The following CNTNAP2 variants were observed in gnomAD, a reference collection of about 807,000 sequenced individuals.
The protein encoded by CNTNAP2 is contactin associated protein 2.
A neutral mutation model predicts 155.2 loss-of-function variants in CNTNAP2; 98 were observed. The ratio of observed to expected loss-of-function variants is 0.63; its 90% CI spans 0.54 to 0.75. The LOEUF (loss-of-function observed/expected upper bound fraction) is 0.75, where lower values mean the gene tolerates loss of function less well. CNTNAP2 is among the 30% of genes least tolerant of loss of function. CNTNAP2 has a pLI of 0.00. For missense variants in CNTNAP2, 1,727 were observed against 1,688.1 expected (o/e 1.02, Z -0.40); for synonymous variants, 651 against 631.2 (o/e 1.03, Z -0.47).
chr7:146,815,346 C>A (rs553729215), intron 2 of CNTNAP2, among the ~76,000 whole-genome samples: 1 of 152,138 alleles, frequency 6.6e-6, no homozygotes, highest in South Asian at 2.1e-4. Flanking sequence ...TTACTTTAGA[C>A]TCTAAATAAC....
chr7:146,558,162 T>G (rs1035655760), intron 1 of CNTNAP2, among the ~76,000 whole-genome samples: 1 of 152,142 alleles, frequency 6.6e-6, no homozygotes, highest in Non-Finnish European at 1.5e-5. Flanking sequence ...CTCATAGGAC[T>G]TGTGGACATT....
At chr7:146,704,434 GCAATCTTAGAAACCATCATTAGA>G (rs1254702881) in intron 1 of CNTNAP2, among the ~76,000 whole-genome samples, 1 of 152,108 alleles carries the variant, frequency 6.6e-6, no homozygotes, top group Admixed American at 6.6e-5. Flanking sequence ...GCAGTTAGAG[GCAATCTTAGAAACCATCATTAGA>G]CAGATGAAGC....
chr7:147,306,561 A>G (rs1369195006), intron 9 of CNTNAP2, among the ~76,000 whole-genome samples: 2 of 152,238 alleles, frequency 1.3e-5, no homozygotes, highest in Non-Finnish European at 2.9e-5. Flanking sequence ...CTTTGTGTAA[A>G]AAAACAAAGT....
At chr7:146,472,409 A>G (rs1327620930) in intron 1 of CNTNAP2, among the ~76,000 whole-genome samples, 1 of 152,220 alleles carries the variant, frequency 6.6e-6, no homozygotes, top group Non-Finnish European at 1.5e-5. Flanking sequence ...TTTCTGAACT[A>G]AACATAATAT....
In CNTNAP2 at chr7:146,907,619, C is replaced by A. The variant is rs972429390; in HGVS notation, c.402+67715C>A. Among the ~76,000 whole-genome samples the A allele has an allele frequency of 2.1e-4, 31 of 149,988 alleles. No homozygotes were observed. In the East Asian group the frequency reaches 4.7e-3, roughly 23 times the overall value. Reference sequence around the variant, plus strand: ...AAATGCTGAGAGATTTTGTCACCACCAAGCCTGCCCTAAAAGAGCTCCTGA... The same window carrying A: ...AAATGCTGAGAGATTTTGTCACCACAAAGCCTGCCCTAAAAGAGCTCCTGA... On this transcript the variant is annotated intron_variant, in intron 3 of 23. Coordinates refer to ENST00000361727, the MANE Select transcript of CNTNAP2 (RefSeq NM_014141.6).
intron 15 of CNTNAP2, among the ~76,000 whole-genome samples, chr7:148,020,858 G>A (rs4726911): frequency 0.38 from 57,633 of 152,062 alleles, 11,655 homozygotes; most frequent in African/African-American, 0.53. Context: ...GAATGCTACC[G>A]TAATTAAAGA....
intron 4 of CNTNAP2, among the ~76,000 whole-genome samples, chr7:147,078,115 A>G (rs1800030624): frequency 6.6e-6 from 1 of 152,228 alleles, no homozygotes; most frequent in Non-Finnish European, 1.5e-5. Flanking sequence ...GTAGATTGAT[A>G]GATATTTTTC....
chr7:146,142,390 G>A (rs1797893776), intron 1 of CNTNAP2, among the ~76,000 whole-genome samples: 1 of 152,052 alleles, frequency 6.6e-6, no homozygotes, highest in Non-Finnish European at 1.5e-5. Flanking sequence ...CTTTGTGCAA[G>A]GTACAAACTT....
intron 1 of CNTNAP2, among the ~76,000 whole-genome samples, chr7:146,360,986 A>G (rs2129100800): frequency 6.6e-6 from 1 of 152,304 alleles, no homozygotes; most frequent in South Asian, 2.1e-4. Context: ...TTTATCAGAA[A>G]TTACATATAA....
At chr7:147,082,949 G>C (rs1800167212) in intron 4 of CNTNAP2, 1 of 152,102 alleles carries the variant, frequency 6.6e-6, no homozygotes, top group African/African-American at 2.4e-5. Flanking sequence ...GCAATTTCCA[G>C]AGGCAGGGTG....
chr7:148,335,175 G>A (rs1429677446), intron 21 of CNTNAP2, among the ~76,000 whole-genome samples: 4 of 152,296 alleles, frequency 2.6e-5, no homozygotes, highest in African/African-American at 7.2e-5. Flanking sequence ...AAGAAGGAAA[G>A]AGCTCCCGTG....
chr7:147,278,078 G>A (rs114477887), intron 8 of CNTNAP2, among the ~76,000 whole-genome samples: 1,606 of 149,318 alleles, frequency 0.011, 28 homozygotes, highest in African/African-American at 0.038. Flanking sequence ...TGCTGCTAAT[G>A]GATATTCATT....
intron 21 of CNTNAP2, among the ~76,000 whole-genome samples, chr7:148,304,783 A>T (rs928615674): frequency 6.6e-6 from 1 of 152,210 alleles, no homozygotes; most frequent in Non-Finnish European, 1.5e-5. Flanking sequence ...TTCACAGCCA[A>T]CAACTCTCCT....
intron 1 of CNTNAP2, among the ~76,000 whole-genome samples, chr7:146,120,087 T>A (rs1423600609): frequency 1.3e-5 from 2 of 151,950 alleles, no homozygotes; most frequent in African/African-American, 4.8e-5. Context: ...GCAATTATTT[T>A]AAGTAACTAA....
chr7:146,740,024 G>C (rs1358708614), intron 1 of CNTNAP2, among the ~76,000 whole-genome samples: 1 of 151,846 alleles, frequency 6.6e-6, no homozygotes, highest in East Asian at 1.9e-4. Context: ...TTCAGTCTAT[G>C]TGTATTTTTA....
chr7:146,791,487 G>T (rs1450171394), intron 2 of CNTNAP2, among the ~76,000 whole-genome samples: 1 of 152,156 alleles, frequency 6.6e-6, no homozygotes, highest in Non-Finnish European at 1.5e-5. Flanking sequence ...CAAGTGAGAA[G>T]TTTAGGTAGA....
At chr7:146,588,300 G>A (rs921168935) in intron 1 of CNTNAP2, among the ~76,000 whole-genome samples, 2 of 152,136 alleles carry the variant, frequency 1.3e-5, no homozygotes, top group African/African-American at 4.8e-5. Context: ...GAATTCATAA[G>A]AGAGCAGCAC....
At chr7:147,197,978 T>C (rs1377820987) in intron 8 of CNTNAP2, among the ~76,000 whole-genome samples, 1 of 152,204 alleles carries the variant, frequency 6.6e-6, no homozygotes, top group Admixed American at 6.5e-5. Context: ...CTTGGTAATA[T>C]GGTATTGCAT....
At chr7:147,057,887 A>G (rs1180035878) in intron 4 of CNTNAP2, among the ~76,000 whole-genome samples, 4 of 152,282 alleles carry the variant, frequency 2.6e-5, no homozygotes, top group Admixed American at 2.6e-4. Context: ...GATAAGGACA[A>G]TATTTATGGT....
Sources: allele counts gnomAD v4.1 joint callset (sites outside exome capture counted in the v4.1 genomes callset), GRCh38; gene constraint gnomAD v4.1.1; transcripts MANE v1.5; gene names NCBI Gene and HGNC (gene_info 2026-07-23, HGNC 2026-07-21).